UBA6: variants seen among roughly 807,000 people sequenced by gnomAD.
UBA6 encodes the protein ubiquitin-like modifier-activating enzyme 6.
In UBA6, 87 loss-of-function variants were observed where a neutral mutation model predicts 148.3. The ratio of observed to expected loss-of-function variants is 0.59; its 90% CI spans 0.49 to 0.70. UBA6 has a LOEUF of 0.70. Ranked by LOEUF, UBA6 falls within the 30% of genes least tolerant of loss-of-function variation. The probability of loss-of-function intolerance (pLI) is 0.00; values close to 1 mark genes in which losing one functional copy is unlikely to be tolerated. For missense variants in UBA6, 1,186 were observed against 1,241.2 expected, an observed-to-expected ratio of 0.96 and a Z score of 0.67; for synonymous variants, 376 against 401.0, an observed-to-expected ratio of 0.94 and a Z score of 0.75.
intron 10 of UBA6, 24 bp downstream of exon 10, chr4:67,665,165 T>C (rs767430756): frequency 2.0e-6 from 3 of 1,480,412 alleles, no homozygotes; most frequent in East Asian, 2.3e-5. Context: ...AAAATGTTTT[T>C]TAAGCCGAAA....
intron 13 of UBA6, among the ~76,000 whole-genome samples, chr4:67,651,818 C>T (rs1271499891): frequency 6.6e-6 from 1 of 151,942 alleles, no homozygotes; most frequent in Admixed American, 6.6e-5. Flanking sequence ...ACAAAAATGC[C>T]ATGACATTTC....
chr4:67,624,727 C>T (rs180892630), intron 29 of UBA6, among the ~76,000 whole-genome samples: 69 of 151,936 alleles, frequency 4.5e-4, no homozygotes, highest in Middle Eastern at 3.4e-3. Context: ...GTATGAATGA[C>T]GTAAAGATCA....
chr4:67,642,924 A>C (rs746285998), intron 17 of UBA6, among the ~76,000 whole-genome samples: 15 of 152,030 alleles, frequency 9.9e-5, no homozygotes, highest in Non-Finnish European at 1.9e-4. Flanking sequence ...TCTGCACTAC[A>C]TTCTGGGTAT....
chr4:67,674,219 T>C (rs76019483), intron 6 of UBA6, among the ~76,000 whole-genome samples: 2,949 of 152,320 alleles, frequency 0.019, 72 homozygotes, highest in East Asian at 0.1. Context: ...GATTTAGTTT[T>C]TTTAAATCTA....
intron 9 of UBA6, among the ~76,000 whole-genome samples, chr4:67,667,314 A>G (rs55831961): frequency 0.014 from 2,079 of 152,328 alleles, 23 homozygotes; most frequent in Non-Finnish European, 0.024. Context: ...CTAAAATTAC[A>G]AATAGTAATC....
chr4:67,665,130 T>G (rs1352412407), intron 10 of UBA6, 59 bp downstream of exon 10: 37 of 1,024,652 alleles, frequency 3.6e-5, no homozygotes, highest in Non-Finnish European at 4.9e-5. Context: ...GTTATTTGTC[T>G]CTTCTGCCTT....
At chr4:67,680,233 T>A (rs2109949036) in intron 4 of UBA6, among the ~76,000 whole-genome samples, 1 of 152,262 alleles carries the variant, frequency 6.6e-6, no homozygotes, top group Admixed American at 6.5e-5. Context: ...TGATAAAACA[T>A]CATCACTGCC....
intron 14 of UBA6, among the ~76,000 whole-genome samples, chr4:67,648,723 A>G (rs1279684931): frequency 6.6e-6 from 1 of 152,150 alleles, no homozygotes; most frequent in African/African-American, 2.4e-5. Flanking sequence ...CATGATAGTA[A>G]AAGATTCCAT....
chr4:67,627,071 G>C (rs931732394), intron 27 of UBA6, among the ~76,000 whole-genome samples: 50 of 151,976 alleles, frequency 3.3e-4, no homozygotes, highest in African/African-American at 1.2e-3. Context: ...AGTTTGGTAG[G>C]ATTAAGGGAG....
At chr4:67,675,363 C>G (rs1013014783) in intron 6 of UBA6, among the ~76,000 whole-genome samples, 1 of 152,104 alleles carries the variant, frequency 6.6e-6, no homozygotes, top group East Asian at 1.9e-4. Context: ...TATTTAATCC[C>G]TTCTTTTACG....
intron 13 of UBA6, among the ~76,000 whole-genome samples, chr4:67,656,781 C>T (rs1028044647): frequency 6.6e-6 from 1 of 152,096 alleles, no homozygotes; most frequent in African/African-American, 2.4e-5. Context: ...TTTAGAAAAC[C>T]CCAACATCTC....
chr4:67,625,165 A>G lies in UBA6; in HGVS notation c.2541T>C (p.Leu847=). 6.2e-7 allele frequency: 1 copy of G among 1,610,002 alleles called. No individual in the cohort carries two copies. The highest frequency in any genetic ancestry group is 8.5e-7 in the Non-Finnish European group (1 of 1,178,116). The change falls in exon 29 of 33, where the codon CTT becomes CTC. Residue 847 remains leucine (L), a synonymous_variant. Transcript: ENST00000322244. ...TATGATCATCATCTTTTTCAAATGA[A>G]AGCACTGCCATCTGAAGGTCACCTG... ...ATKSDLQMAV[L]SFEKDDDHNG... is the part of the protein sequence containing the mutation.
chr4:67,634,795 C>T (rs1029180900), intron 20 of UBA6, among the ~76,000 whole-genome samples: 4 of 152,052 alleles, frequency 2.6e-5, no homozygotes, highest in Non-Finnish European at 5.9e-5. Context: ...ACACCATCAT[C>T]TATAAATCAT....
chr4:67,660,766 G>A (rs369853320), intron 13 of UBA6, among the ~76,000 whole-genome samples: 101 of 152,238 alleles, frequency 6.6e-4, no homozygotes, highest in African/African-American at 2.3e-3. Context: ...TAGATCCAAC[G>A]AAAGCTTGGA....
intron 14 of UBA6, 36 bp from the exon 15 acceptor site, chr4:67,646,827 A>G (rs1482583144): frequency 5.8e-6 from 8 of 1,377,286 alleles, no homozygotes; most frequent in Non-Finnish European, 7.9e-6. Flanking sequence ...ATTATTATGT[A>G]TAAAACAAAT....
Position 67,616,386 on chromosome 4 carries a change from T to C in UBA6, c.*2611A>G. On this transcript the variant is annotated 3_prime_UTR_variant, in exon 33 of 33. Coordinates refer to ENST00000322244, the MANE Select transcript of UBA6 (RefSeq NM_018227.6). ...CTAATTATAAAATAAACATAGTTGC[T>C]TTTTTAATGTTCCATGAATATCACC... 9.0e-6 allele frequency: 3 copies of C among 334,084 alleles called. No homozygotes were observed. Among genetic ancestry groups the C allele is most frequent in the Non-Finnish European group, 1.6e-5 (3 of 186,056 alleles). The allele number at this position is 334,084 out of a possible 1,614,324, so 20.7% of individuals were successfully genotyped here.
At chr4:67,655,097 C>G (rs982550968) in intron 13 of UBA6, among the ~76,000 whole-genome samples, 1 of 152,274 alleles carries the variant, frequency 6.6e-6, no homozygotes, top group Non-Finnish European at 1.5e-5. Flanking sequence ...TAATGGGAGA[C>G]TTTAACACCC....
At chr4:67,678,369 C>A in intron 5 of UBA6, 70 bp downstream of exon 5, 1 of 911,404 alleles carries the variant, frequency 1.1e-6, no homozygotes, top group South Asian at 2.0e-5. Context: ...GATTGGTGTT[C>A]TAGATAAAGG....
At chr4:67,652,483 TGA>T (rs1156807889) in intron 13 of UBA6, among the ~76,000 whole-genome samples, 1 of 152,194 alleles carries the variant, frequency 6.6e-6, no homozygotes, top group African/African-American at 2.4e-5. Context: ...ACACTTCTGG[TGA>T]GAATACAAAA....
Sources: allele counts gnomAD v4.1 joint callset (sites outside exome capture counted in the v4.1 genomes callset), GRCh38; gene constraint gnomAD v4.1.1; transcripts MANE v1.5; gene names NCBI Gene and HGNC (gene_info 2026-07-23, HGNC 2026-07-21).